Variants in PDSS2 observed in about 807,000 individuals in gnomAD.
The protein encoded by PDSS2 is all trans-polyprenyl-diphosphate synthase PDSS2.
In PDSS2, 31 loss-of-function variants were observed where a neutral mutation model predicts 44.5. The observed-to-expected ratio is 0.70, with a 90% CI of 0.52 to 0.94. PDSS2 has a LOEUF of 0.94. Among genes scored for constraint, PDSS2 ranks in the 40% least tolerant of loss-of-function variants. The pLI, the probability that PDSS2 is intolerant of heterozygous loss-of-function variation, is 0.00. For synonymous variants in PDSS2, 157 were observed against 180.3 expected (o/e 0.87, Z 1.03); for missense variants, 452 against 482.2 (o/e 0.94, Z 0.59).
chr6:107,262,363 G>A (rs1371096968), intron 3 of PDSS2, among the ~76,000 whole-genome samples: 2 of 151,966 alleles, frequency 1.3e-5, no homozygotes, highest in Admixed American at 1.3e-4. Context: ...TATTATTTCA[G>A]AAAAATTGCC....
chr6:107,161,511 T>C (rs1165312600), intron 7 of PDSS2, among the ~76,000 whole-genome samples: 6 of 151,920 alleles, frequency 3.9e-5, no homozygotes, highest in Non-Finnish European at 7.4e-5. Context: ...AAATTTGTAC[T>C]TTTAAAAAGT....
chr6:107,239,632 AC>A (rs1194611478), intron 4 of PDSS2, among the ~76,000 whole-genome samples: 1 of 114,796 alleles, frequency 8.7e-6, no homozygotes, highest in South Asian at 2.9e-4. Context: ...CATGTACTCT[AC>A]CTTTTTTTTT....
chr6:107,456,619 G>A (rs148971754), intron 1 of PDSS2, among the ~76,000 whole-genome samples: 2 of 152,200 alleles, frequency 1.3e-5, no homozygotes, highest in East Asian at 1.9e-4. Context: ...GCACAATCAC[G>A]GCTCACAACA....
At chr6:107,200,203 T>C (rs569571323) in intron 6 of PDSS2, among the ~76,000 whole-genome samples, 1 of 152,298 alleles carries the variant, frequency 6.6e-6, no homozygotes, top group South Asian at 2.1e-4. Flanking sequence ...AAGATCTTAA[T>C]TGTGAACACT....
At chr6:107,438,645 C>T (rs541089188) in intron 1 of PDSS2, among the ~76,000 whole-genome samples, 1 of 152,158 alleles carries the variant, frequency 6.6e-6, no homozygotes, top group African/African-American at 2.4e-5. Flanking sequence ...GAAGGGGAGG[C>T]CAAATCCCTT....
At chr6:107,445,707 G>A (rs192383297) in intron 1 of PDSS2, among the ~76,000 whole-genome samples, 3 of 152,236 alleles carry the variant, frequency 2.0e-5, no homozygotes, top group Admixed American at 6.5e-5. Flanking sequence ...GAGAACTGAC[G>A]ACGGCTTCCT....
rs572993693 is a variant in PDSS2, at chr6:107,439,333, A to G, written c.296+19657T>C. ...AAACAGAATAGAACATTAAGTGACC[A>G]TGCAACCTAGCTGTCCATCATGAGT... On this transcript the variant is annotated intron_variant, in intron 1 of 7. Transcript: ENST00000369037. Among the ~76,000 whole-genome samples the G allele has an allele frequency of 3.8e-4, 58 of 152,360 alleles. No individual in the cohort carries two copies. In the South Asian group the frequency reaches 0.01, roughly 27 times the overall value.
At chr6:107,213,503 G>A (rs1396425452) in intron 4 of PDSS2, among the ~76,000 whole-genome samples, 1 of 151,032 alleles carries the variant, frequency 6.6e-6, no homozygotes, top group Admixed American at 6.6e-5. Flanking sequence ...GCTCATGCCT[G>A]TAATCCCAGC....
chr6:107,310,394 G>A (rs1007028238), intron 2 of PDSS2, among the ~76,000 whole-genome samples: 1 of 150,530 alleles, frequency 6.6e-6, no homozygotes, highest in Non-Finnish European at 1.5e-5. Flanking sequence ...AAAGAGAAAA[G>A]ACTAAAAGTA....
intron 1 of PDSS2, among the ~76,000 whole-genome samples, chr6:107,384,265 C>T (rs560729173): frequency 1.8e-4 from 28 of 152,114 alleles, no homozygotes; most frequent in South Asian, 8.3e-4. Context: ...TAACAGGTAC[C>T]GAGGTTTTTT....
At chr6:107,285,643 C>T (rs1372110065) in intron 2 of PDSS2, among the ~76,000 whole-genome samples, 1 of 152,028 alleles carries the variant, frequency 6.6e-6, no homozygotes, top group Non-Finnish European at 1.5e-5. Context: ...ATTATTCTTA[C>T]AAATGATATT....
At chr6:107,329,822 C>G (rs1287933544) in intron 2 of PDSS2, among the ~76,000 whole-genome samples, 1 of 152,004 alleles carries the variant, frequency 6.6e-6, no homozygotes. Context: ...CTGCTAGGTA[C>G]TTCTATACCC....
rs1782178907 is a variant in PDSS2, at chr6:107,459,502, C to G, written c.-217G>C. On this transcript the variant is annotated 5_prime_UTR_variant, in exon 1 of 8. Coordinates refer to ENST00000369037, the MANE Select transcript of PDSS2 (RefSeq NM_020381.4). This position sits in a 1 kb window ranked among gnomAD's most constrained non-coding sequence, Gnocchi z 4.3. ...ACAACAGTCCCAGCTCAGCACTGCC[C>G]CCGGCCACCCGGGGTAGAAACCACA... The G allele has an allele frequency of 6.9e-6, 4 of 582,040 alleles. No homozygotes were observed. The Admixed American group carries it at 1.2e-4, about 18-fold the overall frequency. 36.1% of individuals were successfully genotyped at this position (582,040 alleles called of 1,614,324 possible).
At chr6:107,356,984 C>A (rs984223992) in intron 1 of PDSS2, among the ~76,000 whole-genome samples, 1 of 151,974 alleles carries the variant, frequency 6.6e-6, no homozygotes, top group African/African-American at 2.4e-5. Flanking sequence ...AGGTTTAATT[C>A]TAAAAAAATT....
At chr6:107,306,679 T>A (rs1305967719) in intron 2 of PDSS2, among the ~76,000 whole-genome samples, 4 of 152,204 alleles carry the variant, frequency 2.6e-5, no homozygotes, top group African/African-American at 7.2e-5. Context: ...TGCAGATGTA[T>A]TATTATACAA....
chr6:107,436,788 C>T (rs1473560053), intron 1 of PDSS2, among the ~76,000 whole-genome samples: 3 of 152,130 alleles, frequency 2.0e-5, no homozygotes, highest in Non-Finnish European at 2.9e-5. Context: ...TTACCCTGAT[C>T]TGATCATCAT....
At chr6:107,399,418 T>C (rs911469383) in intron 1 of PDSS2, among the ~76,000 whole-genome samples, 2 of 152,318 alleles carry the variant, frequency 1.3e-5, no homozygotes, top group African/African-American at 2.4e-5. Flanking sequence ...CAATGCATCT[T>C]CTTCACAGTC....
chr6:107,258,734 C>T (rs1029239997), intron 3 of PDSS2, among the ~76,000 whole-genome samples: 2 of 151,854 alleles, frequency 1.3e-5, no homozygotes, highest in Non-Finnish European at 2.9e-5. Context: ...ACCTTGGAGG[C>T]GGAGGTTGCA....
chr6:107,446,686 CCAG>C (rs1422071744), intron 1 of PDSS2, among the ~76,000 whole-genome samples: 1 of 152,064 alleles, frequency 6.6e-6, no homozygotes, highest in East Asian at 1.9e-4. Context: ...TCTTCACAGG[CCAG>C]CAGAAGAGAG....
Sources: allele counts gnomAD v4.1 joint callset (sites outside exome capture counted in the v4.1 genomes callset), GRCh38; gene constraint gnomAD v4.1.1; non-coding constraint Gnocchi (gnomAD v3.1); transcripts MANE v1.5; gene names NCBI Gene and HGNC (gene_info 2026-07-23, HGNC 2026-07-21).